Variants in LRRK1 observed in about 807,000 individuals in gnomAD.
LRRK1 encodes leucine-rich repeat serine/threonine-protein kinase 1.
In LRRK1, 113 loss-of-function variants were observed where a neutral mutation model predicts 209.1. That is an observed-to-expected ratio of 0.54 (90% confidence interval 0.46 to 0.63). The LOEUF (loss-of-function observed/expected upper bound fraction) is 0.63. LRRK1 is among the 30% of genes least tolerant of loss of function. The probability of loss-of-function intolerance (pLI) is 0.00; values close to 1 mark genes in which losing one functional copy is unlikely to be tolerated. For missense variants in LRRK1, 2,284 were observed against 2,632.2 expected, an observed-to-expected ratio of 0.87 and a Z score of 2.89; for synonymous variants, 1,144 against 1,099.7, an observed-to-expected ratio of 1.04 and a Z score of -0.80.
intron 2 of LRRK1, among the ~76,000 whole-genome samples, chr15:100,940,252 T>C (rs1366871132): frequency 6.6e-6 from 1 of 152,146 alleles, no homozygotes; most frequent in African/African-American, 2.4e-5. Flanking sequence ...TTCCATAAGA[T>C]TGTTTATTTC....
intron 26 of LRRK1, among the ~76,000 whole-genome samples, chr15:101,053,839 G>C (rs139347110): frequency 6.6e-6 from 1 of 152,180 alleles, no homozygotes; most frequent in Non-Finnish European, 1.5e-5. Flanking sequence ...ATAAAATGTC[G>C]AAGTAATTTA....
Position 101,076,782 on chromosome 15 carries a change from GC to G in LRRK1, c.*7938del, listed in dbSNP as rs1389387698. 6.6e-6 allele frequency: 1 copy of G among 152,294 alleles called. No individual in the cohort carries two copies. Among genetic ancestry groups the G allele is most frequent in the East Asian group, 1.9e-4 (1 of 5,210 alleles). 9.4% of individuals were successfully genotyped at this position (152,294 alleles called of 1,614,324 possible). On this transcript the variant is annotated 3_prime_UTR_variant, in exon 34 of 34. Transcript: ENST00000388948. ...CTGGCAAATTGACTTTACTCAACAT[GC>G]CCCGAGTCAGATAACTAAAATACCT... is the stretch of plus-strand genomic sequence containing the variant.
At chr15:101,033,724 A>G (rs2034380813) in intron 20 of LRRK1, among the ~76,000 whole-genome samples, 1 of 152,214 alleles carries the variant, frequency 6.6e-6, no homozygotes, top group African/African-American at 2.4e-5. Flanking sequence ...GCTGCAATAG[A>G]TAAGGGAATC....
At chr15:100,953,918 G>A (rs952582105) in intron 2 of LRRK1, among the ~76,000 whole-genome samples, 1 of 151,498 alleles carries the variant, frequency 6.6e-6, no homozygotes, top group East Asian at 1.9e-4. Flanking sequence ...TGTTTGTTTT[G>A]TTGTTGTTGT....
rs1486814277 is a variant in LRRK1, at chr15:101,069,766, T to C, written c.*918T>C. ...ATTGTATGGGATTTATACCAAATTA[T>C]GTATTTGCTAAACATTCACTGCACA... On this transcript the variant is annotated 3_prime_UTR_variant, in exon 34 of 34. Transcript: ENST00000388948. 1.3e-5 allele frequency: 2 copies of C among 152,694 alleles called. No homozygotes were observed. The highest frequency in any genetic ancestry group is 4.8e-5 in the African/African-American group (2 of 41,480). 9.5% of individuals were successfully genotyped at this position (152,694 alleles called of 1,614,324 possible).
In LRRK1 at chr15:101,001,794, G is replaced by C. The variant is rs74344046; in HGVS notation, c.763-7043G>C. Among the ~76,000 whole-genome samples, 1,268 of 152,246 alleles carry C rather than the reference G, an allele frequency of 8.3e-3. 22 individuals are homozygous for C. The highest frequency in any genetic ancestry group is 0.029 in the African/African-American group (1,217 of 41,560). On this transcript the variant is annotated intron_variant, in intron 6 of 33. Coordinates refer to ENST00000388948, the MANE Select transcript of LRRK1 (RefSeq NM_024652.6). ...CTCTGAAGGGATCTACGGTTTCTAG[G>C]GGGGAAGATTCTTACTCATGAGCCA... is the stretch of plus-strand genomic sequence containing the variant.
intron 2 of LRRK1, among the ~76,000 whole-genome samples, chr15:100,966,491 C>T (rs2030468528): frequency 6.6e-6 from 1 of 152,144 alleles, no homozygotes; most frequent in African/African-American, 2.4e-5. Flanking sequence ...TCATGAAGTC[C>T]CCCATGGCCC....
At chr15:100,995,089 C>CGTGT (rs996122447) in intron 6 of LRRK1, among the ~76,000 whole-genome samples, 3 of 152,106 alleles carry the variant, frequency 2.0e-5, no homozygotes, top group Admixed American at 2.0e-4. Context: ...CTTCAGGGCA[C>CGTGT]GTGTGACGGA....
rs2035721261 is a variant in LRRK1 at position 101,055,117 on chromosome 15, A to G, written c.4226A>G (p.Asp1409Gly). The change falls in exon 27 of 34, where the codon GAC becomes GGC. Residue 1409 changes from aspartate to glycine, a missense_variant. Physicochemically the swap from Asp to Gly is moderately conservative, Grantham distance 94. Transcript: ENST00000388948. Reference sequence around the variant, plus strand: ...GAGCACATCAACATCAAGCTATCTGACTACGGGATTTCGAGGCAGTCATTC... The same window carrying G: ...GAGCACATCAACATCAAGCTATCTGGCTACGGGATTTCGAGGCAGTCATTC... ...VKEHINIKLS[D>G]YGISRQSFHE... The G allele has an allele frequency of 6.2e-7, 1 of 1,613,754 alleles. No individual in the cohort carries two copies. Among genetic ancestry groups the G allele is most frequent in the African/African-American group, 1.3e-5 (1 of 74,920 alleles).
At chr15:100,989,518 G>A in intron 6 of LRRK1, 120 bp downstream of exon 6, 1 of 1,071,204 alleles carries the variant, frequency 9.3e-7, no homozygotes, top group Non-Finnish European at 1.4e-6. Flanking sequence ...TCTGGAGATT[G>A]AGAAGTCCAA....
rs991789387 is a variant in LRRK1 at position 101,052,829 on chromosome 15, C to T, written c.3690-93C>T. 1.4e-5 allele frequency: 20 copies of T among 1,432,806 alleles called. No individual in the cohort carries two copies. In the South Asian group the frequency reaches 2.7e-4, roughly 19 times the overall value. The allele number at this position is 1,432,806 out of a possible 1,614,324, so 88.8% of individuals were successfully genotyped here. On this transcript the variant is annotated intron_variant, in intron 24 of 33. Transcript: ENST00000388948. ...TCCAGCCTCACAGATGGCTTTGAAC[C>T]ATGACTCTCGGCCGTTGGGGCAAAT... is the stretch of plus-strand genomic sequence containing the variant.
intron 3 of LRRK1, 76 bp from the exon 4 acceptor site, chr15:100,983,452 G>A: frequency 7.2e-7 from 1 of 1,380,548 alleles, no homozygotes; most frequent in Admixed American, 2.2e-5. Flanking sequence ...GGGACCTGGT[G>A]AAGGGTTTAA....
chr15:100,968,409 C>G (rs79670891), intron 2 of LRRK1, among the ~76,000 whole-genome samples: 6,782 of 152,182 alleles, frequency 0.045, 198 homozygotes, highest in Middle Eastern at 0.075. Context: ...AAGAAACCAC[C>G]AGACCTGTTT....
At chr15:100,965,857 T>C (rs1487655084) in intron 2 of LRRK1, among the ~76,000 whole-genome samples, 1 of 152,226 alleles carries the variant, frequency 6.6e-6, no homozygotes. Context: ...ACATAAATTA[T>C]AATTTAGAGA....
chr15:100,926,619 AGCATG>A (rs1014901176), intron 2 of LRRK1, among the ~76,000 whole-genome samples: 1 of 151,072 alleles, frequency 6.6e-6, no homozygotes, highest in African/African-American at 2.4e-5. Context: ...GGAGTGAACA[AGCATG>A]GGTAATTTTT....
At chr15:100,963,277 G>A (rs533493345) in intron 2 of LRRK1, among the ~76,000 whole-genome samples, 2 of 152,062 alleles carry the variant, frequency 1.3e-5, no homozygotes, top group Non-Finnish European at 2.9e-5. Flanking sequence ...TCTGATGGCC[G>A]CATCCGAGCC....
Position 101,051,805 on chromosome 15 carries a change from CA to C in LRRK1, c.3535del (p.Ser1179ValfsTer17). ...ETAWAQHTDP[S>X]EKSEDVQYFD... is the part of the protein sequence containing the mutation. The stretch of plus-strand genomic sequence containing the variant: ...CAGCCTGGGCCCAGCACACGGACCC[CA>C]GTGAGAAATCAGAGGATGTGCAGTA... On this transcript the variant is annotated frameshift_variant, in exon 24 of 34. Coordinates refer to ENST00000388948, the MANE Select transcript of LRRK1 (RefSeq NM_024652.6). LOFTEE classifies it high-confidence loss of function. 2 of 1,614,122 alleles carry C rather than the reference CA, an allele frequency of 1.2e-6. No homozygotes were observed. The highest frequency in any genetic ancestry group is 1.7e-6 in the Non-Finnish European group (2 of 1,180,032).
At chr15:100,938,174 T>G (rs1293209480) in intron 2 of LRRK1, among the ~76,000 whole-genome samples, 2 of 152,134 alleles carry the variant, frequency 1.3e-5, no homozygotes, top group Non-Finnish European at 2.9e-5. Flanking sequence ...TTAAAATTTT[T>G]TATTACAGAA....
intron 3 of LRRK1, among the ~76,000 whole-genome samples, chr15:100,980,586 G>A (rs770523683): frequency 1.3e-5 from 2 of 152,164 alleles, no homozygotes; most frequent in African/African-American, 2.4e-5. Flanking sequence ...CAAGTATCTT[G>A]CTACAATTAT....
Sources: gnomAD v4.1 joint callset for allele counts (sites outside exome capture counted in the v4.1 genomes callset) on GRCh38, gnomAD v4.1.1 for gene constraint, MANE v1.5 for transcripts, NCBI Gene and HGNC (gene_info 2026-07-23, HGNC 2026-07-21) for gene names.